Variants in EDRF1 observed in about 807,000 individuals in gnomAD.
EDRF1 encodes erythroid differentiation-related factor 1.
Under a neutral mutation model 148.7 loss-of-function variants are expected in EDRF1, and 69 were observed. That is an observed-to-expected ratio of 0.46 (90% confidence interval 0.38 to 0.57). The LOEUF is 0.57. Among genes scored for constraint, EDRF1 ranks in the 20% least tolerant of loss-of-function variants. The probability of loss-of-function intolerance (pLI) is 0.00; values close to 1 mark genes in which losing one functional copy is unlikely to be tolerated. For synonymous variants in EDRF1, 515 were observed against 532.8 expected, an observed-to-expected ratio of 0.97 and a Z score of 0.46; for missense variants, 1,118 against 1,478.7, an observed-to-expected ratio of 0.76 and a Z score of 4.00.
At chr10:125,748,331 A>G (rs537762731) in intron 21 of EDRF1, 2 of 400,744 alleles carry the variant, frequency 5.0e-6, no homozygotes, top group East Asian at 5.7e-5. Flanking sequence ...CTCAGTAGTC[A>G]TTAAATGACT....
chr10:125,719,799 A>G lies in EDRF1; in HGVS notation c.-9A>G, dbSNP rs746648932. On this transcript the variant is annotated 5_prime_UTR_variant, in exon 1 of 25. Coordinates refer to ENST00000356792, the MANE Select transcript of EDRF1 (RefSeq NM_001202438.2). ...TCCCCCGTCGTATCGCCTGCCCTGGATCGAAGTGATGGGGGATGCCAAGGA... is the reference window on the plus strand; with the variant it reads ...TCCCCCGTCGTATCGCCTGCCCTGGGTCGAAGTGATGGGGGATGCCAAGGA... 6 of 1,608,576 alleles carry G rather than the reference A, an allele frequency of 3.7e-6. No individual in the cohort carries two copies. Among genetic ancestry groups the G allele is most frequent in the Non-Finnish European group, 5.1e-6 (6 of 1,177,418 alleles).
intron 4 of EDRF1, among the ~76,000 whole-genome samples, 168 bp downstream of exon 4, chr10:125,724,104 G>A (rs905484438): frequency 9.2e-5 from 14 of 152,266 alleles, no homozygotes; most frequent in African/African-American, 3.1e-4. Context: ...GAAAAAAGAA[G>A]AGAATGAGAA....
intron 12 of EDRF1, among the ~76,000 whole-genome samples, chr10:125,734,570 C>T (rs1848639523): frequency 6.6e-6 from 1 of 152,102 alleles, no homozygotes; most frequent in Non-Finnish European, 1.5e-5. Flanking sequence ...ATTTAGAATT[C>T]ATGTAATTCT....
chr10:125,733,617 C>G lies in EDRF1; in HGVS notation c.1277-18C>G, dbSNP rs188714268. 2 of 1,612,456 alleles carry G rather than the reference C, an allele frequency of 1.2e-6. No homozygotes were observed. Among genetic ancestry groups the G allele is most frequent in the Non-Finnish European group, 1.7e-6 (2 of 1,178,672 alleles). Reference sequence around the variant, plus strand: ...GGGTAACTGCTGTGAAATGAGTCTTCTTTGTTTTTCTTTTCAGCAAGTGGC... The same window carrying G: ...GGGTAACTGCTGTGAAATGAGTCTTGTTTGTTTTTCTTTTCAGCAAGTGGC... On this transcript the variant is annotated intron_variant, in intron 10 of 24. Transcript: ENST00000356792.
chr10:125,744,558 G>A (rs1849235113), intron 18 of EDRF1, among the ~76,000 whole-genome samples: 1 of 152,164 alleles, frequency 6.6e-6, no homozygotes, highest in Admixed American at 6.5e-5. Context: ...TTCATTGCTA[G>A]TGGGAGAACC....
At chr10:125,732,895 C>A (rs1231370404) in intron 9 of EDRF1, among the ~76,000 whole-genome samples, 1 of 152,054 alleles carries the variant, frequency 6.6e-6, no homozygotes, top group African/African-American at 2.4e-5. Context: ...CCTGCTCCAT[C>A]CCTGTGAAGT....
chr10:125,749,720 C>T, intron 22 of EDRF1, 155 bp downstream of exon 22: 2 of 854,710 alleles, frequency 2.3e-6, no homozygotes, highest in Non-Finnish European at 3.7e-6. Flanking sequence ...GAAATCACTA[C>T]ATGTTTTGAA....
In EDRF1 at chr10:125,741,347, C is replaced by T. The variant is rs986322241; in HGVS notation, c.2371+146C>T. The T allele has an allele frequency of 5.6e-6, 5 of 899,242 alleles. No individual in the cohort carries two copies. In the Admixed American group the frequency reaches 8.1e-5, roughly 15 times the overall value. 55.7% of individuals were successfully genotyped at this position (899,242 alleles called of 1,614,324 possible). On this transcript the variant is annotated intron_variant, in intron 17 of 24. Coordinates refer to ENST00000356792, the MANE Select transcript of EDRF1 (RefSeq NM_001202438.2). The stretch of plus-strand genomic sequence containing the variant: ...TTATTTATTTTTTGAGACGGAGTTT[C>T]GCTCTTGTTGCCCAAGCTGGAGTGC...
rs780106650 is a variant in EDRF1 at position 125,743,184 on chromosome 10, A to G, written c.2498A>G (p.Tyr833Cys). Residue 833 changes from tyrosine to cysteine, a missense_variant, in exon 18 of 25, where the codon TAT (tyrosine) becomes TGT (cysteine). By Grantham distance (194) the Tyr-to-Cys change is radical. Transcript: ENST00000356792. Reference protein sequence around the residue: ...SDLKSQNPEHYVQVLKRMGNI... With the variant: ...SDLKSQNPEHCVQVLKRMGNI... ...TTGAAAAGCCAAAATCCAGAACACT[A>G]TGTACAAGTATTAAAGAGAATGGGT... is the stretch of plus-strand genomic sequence containing the variant. 8.1e-6 allele frequency: 13 copies of G among 1,613,852 alleles called. No individual in the cohort carries two copies. In the East Asian group the frequency reaches 1.8e-4, roughly 22 times the overall value.
At chr10:125,720,820 A>C (rs1024513263) in intron 1 of EDRF1, among the ~76,000 whole-genome samples, 2 of 152,156 alleles carry the variant, frequency 1.3e-5, no homozygotes, top group East Asian at 3.8e-4. Flanking sequence ...CAAAAAAAAA[A>C]AAAAAAAGAA....
chr10:125,745,883 G>A lies in EDRF1; in HGVS notation c.2767G>A (p.Glu923Lys), dbSNP rs1482706845. ...CAQAHCGAGD[E>K]LKREFSPEEG... ...GCAGGCCCACTGTGGTGCAGGGGAT[G>A]AACTGAAACGTGAATTTTCACCAGA... is the stretch of plus-strand genomic sequence containing the variant. Residue 923 changes from glutamate to lysine, a missense_variant, in exon 19 of 25, where the codon GAA (glutamate) becomes AAA (lysine). Physicochemically the swap from Glu to Lys is moderately conservative, Grantham distance 56. Transcript: ENST00000356792. 1.2e-6 allele frequency: 2 copies of A among 1,614,242 alleles called. No homozygotes were observed. The highest frequency in any genetic ancestry group is 1.3e-5 in the African/African-American group (1 of 75,072).
At chr10:125,736,324 C>T (rs961817272) in intron 13 of EDRF1, among the ~76,000 whole-genome samples, 1 of 152,094 alleles carries the variant, frequency 6.6e-6, no homozygotes, top group Admixed American at 6.6e-5. Context: ...TATCCCTGTG[C>T]TATATAGGAC....
intron 19 of EDRF1, 122 bp downstream of exon 19, chr10:125,746,052 C>A: frequency 1.2e-6 from 1 of 850,202 alleles, no homozygotes; most frequent in Non-Finnish European, 1.9e-6. Context: ...TGATACAACA[C>A]CAGACAGATC....
At chr10:125,744,236 T>TA (rs60710207) in intron 18 of EDRF1, among the ~76,000 whole-genome samples, 5,646 of 147,748 alleles carry the variant, frequency 0.038, 334 homozygotes, top group African/African-American at 0.13. Context: ...TTTTTTTTTT[T>TA]GAGACAGGGT....
intron 4 of EDRF1, among the ~76,000 whole-genome samples, chr10:125,724,530 A>C (rs1219567653): frequency 6.6e-6 from 1 of 152,232 alleles, no homozygotes; most frequent in African/African-American, 2.4e-5. Context: ...TGTACCATCC[A>C]GGTTTCTATA....
intron 6 of EDRF1, among the ~76,000 whole-genome samples, chr10:125,726,515 A>G (rs1848263138): frequency 6.6e-6 from 1 of 152,328 alleles, no homozygotes; most frequent in African/African-American, 2.4e-5. Context: ...AAATTGTGAC[A>G]TGTCTATTTT....
At chr10:125,728,797 A>C (rs906182813) in intron 6 of EDRF1, among the ~76,000 whole-genome samples, 2 of 152,246 alleles carry the variant, frequency 1.3e-5, no homozygotes, top group African/African-American at 2.4e-5. Flanking sequence ...AGTAAGATCT[A>C]AATGTGATTC....
At chr10:125,745,560 A>T in intron 18 of EDRF1, 147 bp from the exon 19 acceptor site, 1 of 746,452 alleles carries the variant, frequency 1.3e-6, no homozygotes. Flanking sequence ...AGGCATGGTG[A>T]GAGCAATGAG....
At chr10:125,760,528 G>A (rs542080329) in intron 24 of EDRF1, among the ~76,000 whole-genome samples, 2 of 152,006 alleles carry the variant, frequency 1.3e-5, no homozygotes, top group Admixed American at 1.3e-4. Context: ...ATGTGATAAT[G>A]TGTTAATAAA....
Sources: gnomAD v4.1 joint callset for allele counts (sites outside exome capture counted in the v4.1 genomes callset) on GRCh38, gnomAD v4.1.1 for gene constraint, MANE v1.5 for transcripts, NCBI Gene and HGNC (gene_info 2026-07-23, HGNC 2026-07-21) for gene names.